FHIP1A: variants seen among roughly 807,000 people sequenced by gnomAD.
The protein encoded by FHIP1A is FHF complex subunit HOOK interacting protein 1A.
In FHIP1A, 61 loss-of-function variants were observed where a neutral mutation model predicts 88.6. The ratio of observed to expected loss-of-function variants is 0.69; its 90% CI spans 0.56 to 0.85. The LOEUF (loss-of-function observed/expected upper bound fraction) is 0.85, where lower values mean the gene tolerates loss of function less well. Among genes scored for constraint, FHIP1A ranks in the 40% least tolerant of loss-of-function variants. The pLI is 0.00. For missense variants in FHIP1A, 1,154 were observed against 1,273.5 expected (o/e 0.91, Z 1.43); for synonymous variants, 478 against 496.0 (o/e 0.96, Z 0.48).
rs562101106 is a variant in FHIP1A, at chr4:151,418,187, A to C, written c.-356+8722A>C. 4.6e-5 allele frequency among the ~76,000 whole-genome samples: 7 copies of C among 151,244 alleles called. No individual in the cohort carries two copies. The South Asian group carries it at 1.5e-3, about 32-fold the overall frequency. ...AACCTATCTCTAAAAAAAAAAAAAA[A>C]AAAAAAAACAAGAGAAACTCTGACA... On this transcript the variant is annotated intron_variant, in intron 1 of 13. Transcript: ENST00000435205.
intron 1 of FHIP1A, among the ~76,000 whole-genome samples, chr4:151,428,612 T>G (rs1443109552): frequency 6.6e-6 from 1 of 152,136 alleles, no homozygotes; most frequent in African/African-American, 2.4e-5. Context: ...TTAAAATCCT[T>G]TTGGGGCTTT....
intron 9 of FHIP1A, among the ~76,000 whole-genome samples, chr4:151,642,635 G>A (rs1381012997): frequency 6.6e-6 from 1 of 152,146 alleles, no homozygotes; most frequent in African/African-American, 2.4e-5. Context: ...CATCCCAGAA[G>A]AAGCACTTCA....
intron 2 of FHIP1A, among the ~76,000 whole-genome samples, chr4:151,471,783 C>G (rs915546834): frequency 3.3e-5 from 5 of 152,098 alleles, no homozygotes; most frequent in African/African-American, 1.2e-4. Flanking sequence ...CCCATTCCCC[C>G]TGAGTCCCCA....
At chr4:151,575,781 GAC>G (rs1237846891) in intron 4 of FHIP1A, among the ~76,000 whole-genome samples, 1 of 152,148 alleles carries the variant, frequency 6.6e-6, no homozygotes, top group Non-Finnish European at 1.5e-5. Context: ...ACAAGGGAGA[GAC>G]TTAGACATTT....
At chr4:151,428,947 G>T (rs114470040) in intron 1 of FHIP1A, among the ~76,000 whole-genome samples, 79 of 152,256 alleles carry the variant, frequency 5.2e-4, no homozygotes, top group African/African-American at 1.6e-3. Flanking sequence ...CCCTAGTTGG[G>T]TCTCACTATT....
At chr4:151,441,937 C>G (rs902807136) in intron 1 of FHIP1A, among the ~76,000 whole-genome samples, 1 of 152,098 alleles carries the variant, frequency 6.6e-6, no homozygotes, top group Non-Finnish European at 1.5e-5. Flanking sequence ...AAATCTTGAA[C>G]GATTTGTTCT....
chr4:151,641,648 C>T (rs1040039355), intron 9 of FHIP1A, among the ~76,000 whole-genome samples: 2 of 152,086 alleles, frequency 1.3e-5, no homozygotes, highest in Admixed American at 6.6e-5. Flanking sequence ...GACACCCCTG[C>T]TATAAAGTAT....
intron 3 of FHIP1A, among the ~76,000 whole-genome samples, chr4:151,506,235 T>C (rs1039809556): frequency 6.6e-6 from 1 of 152,068 alleles, no homozygotes; most frequent in Non-Finnish European, 1.5e-5. Context: ...TTGACCTCGG[T>C]GGTGAGTAGG....
intron 3 of FHIP1A, among the ~76,000 whole-genome samples, chr4:151,505,286 A>G (rs1414880882): frequency 2.6e-5 from 4 of 152,194 alleles, no homozygotes; most frequent in Admixed American, 2.6e-4. Flanking sequence ...TACTTTCGTG[A>G]TGATGAATAG....
intron 4 of FHIP1A, 148 bp from the exon 5 acceptor site, chr4:151,577,302 G>GACACACAC: frequency 3.3e-6 from 2 of 598,808 alleles, no homozygotes; most frequent in Non-Finnish European, 5.7e-6. Flanking sequence ...TTGAGAGGGA[G>GACACACAC]ACACACACAC....
chr4:151,593,553 G>T (rs1242700734), intron 7 of FHIP1A, among the ~76,000 whole-genome samples: 2 of 151,986 alleles, frequency 1.3e-5, no homozygotes, highest in Non-Finnish European at 2.9e-5. Flanking sequence ...CTCATAATTT[G>T]GTTCTCTGTG....
intron 1 of FHIP1A, among the ~76,000 whole-genome samples, chr4:151,418,192 A>AAAT (rs1732970108): frequency 6.6e-6 from 1 of 151,314 alleles, no homozygotes; most frequent in Non-Finnish European, 1.5e-5. Flanking sequence ...AAAAAAAAAA[A>AAAT]AAACAAGAGA....
chr4:151,513,933 C>A (rs1731130379), intron 3 of FHIP1A, among the ~76,000 whole-genome samples: 1 of 150,514 alleles, frequency 6.6e-6, no homozygotes, highest in African/African-American at 2.5e-5. Context: ...GAATTGAACT[C>A]AGCTCTGCAC....
At chr4:151,552,808 A>G (rs1323139886) in intron 3 of FHIP1A, among the ~76,000 whole-genome samples, 1 of 150,516 alleles carries the variant, frequency 6.6e-6, no homozygotes, top group Non-Finnish European at 1.5e-5. Context: ...CATGTACCCT[A>G]GAACTTAAAG....
chr4:151,643,265 CT>C (rs1464022392), intron 9 of FHIP1A, among the ~76,000 whole-genome samples: 1 of 152,106 alleles, frequency 6.6e-6, no homozygotes, highest in Non-Finnish European at 1.5e-5. Context: ...ATTCTTTCTT[CT>C]GGGATGATCC....
intron 1 of FHIP1A, among the ~76,000 whole-genome samples, chr4:151,424,530 G>T (rs559138832): frequency 6.6e-6 from 1 of 152,240 alleles, no homozygotes; most frequent in East Asian, 1.9e-4. Context: ...AGAGTGGATG[G>T]TTTGAAGTAG....
intron 1 of FHIP1A, among the ~76,000 whole-genome samples, chr4:151,410,739 A>T (rs986149127): frequency 6.6e-6 from 1 of 152,214 alleles, no homozygotes; most frequent in African/African-American, 2.4e-5. Context: ...ATTGAGCAGG[A>T]TATTTAGTCC....
intron 3 of FHIP1A, among the ~76,000 whole-genome samples, chr4:151,498,855 G>T (rs1329640996): frequency 2.0e-5 from 3 of 152,140 alleles, no homozygotes; most frequent in Admixed American, 2.0e-4. Flanking sequence ...TTGATTCTCT[G>T]TCTAGGGGGA....
At chr4:151,557,023 TATTC>T (rs1328040729) in intron 3 of FHIP1A, among the ~76,000 whole-genome samples, 1 of 152,208 alleles carries the variant, frequency 6.6e-6, no homozygotes, top group Non-Finnish European at 1.5e-5. Flanking sequence ...TGTTTTGCCT[TATTC>T]AGTAACATCA....
Sources: allele counts gnomAD v4.1 joint callset (sites outside exome capture counted in the v4.1 genomes callset), GRCh38; gene constraint gnomAD v4.1.1; transcripts MANE v1.5; gene names NCBI Gene and HGNC (gene_info 2026-07-23, HGNC 2026-07-21).